Variants in HIBADH observed in about 807,000 individuals in gnomAD.
HIBADH encodes 3-hydroxyisobutyrate dehydrogenase, also known as 3-hydroxyisobutyrate dehydrogenase, mitochondrial.
HIBADH carries 25 observed loss-of-function variants against 36.1 expected under a neutral mutation model. That is an observed-to-expected ratio of 0.69 (90% CI 0.50 to 0.97). HIBADH has a LOEUF of 0.97. HIBADH is among the 50% of genes least tolerant of loss of function. The pLI, the probability that HIBADH is intolerant of heterozygous loss-of-function variation, is 0.00. For synonymous variants in HIBADH, 160 were observed against 149.5 expected, an observed-to-expected ratio of 1.07 and a Z score of -0.51; for missense variants, 421 against 418.0, an observed-to-expected ratio of 1.01 and a Z score of -0.06.
chr7:27,556,671 C>A (rs1054774929), intron 4 of HIBADH, among the ~76,000 whole-genome samples: 1 of 152,138 alleles, frequency 6.6e-6, no homozygotes, highest in African/African-American at 2.4e-5. Context: ...TTCATTTCCC[C>A]ACTGATCTGA....
chr7:27,585,171 ATATG>A (rs1447163646), intron 4 of HIBADH, among the ~76,000 whole-genome samples: 1 of 152,058 alleles, frequency 6.6e-6, no homozygotes, highest in African/African-American at 2.4e-5. Context: ...ATATATGTAT[ATATG>A]TGTGTATATA....
chr7:27,660,599 A>G (rs1786396385), intron 1 of HIBADH, among the ~76,000 whole-genome samples: 1 of 151,918 alleles, frequency 6.6e-6, no homozygotes, highest in Non-Finnish European at 1.5e-5. Context: ...TGGGAGGCGG[A>G]GCTTGCAGTG....
At chr7:27,638,308 C>CAAAACAAAA (rs1785885322) in intron 2 of HIBADH, among the ~76,000 whole-genome samples, 1 of 55,472 alleles carries the variant, frequency 1.8e-5, no homozygotes, top group East Asian at 6.1e-4. Flanking sequence ...TTGGCAAAGT[C>CAAAACAAAA]AAAAAAAAAA....
chr7:27,638,516 T>G (rs1479638339), intron 2 of HIBADH, among the ~76,000 whole-genome samples: 1 of 151,996 alleles, frequency 6.6e-6, no homozygotes. Context: ...AAATACTGTT[T>G]CTAGACATAG....
chr7:27,616,810 A>ATT (rs747138124), intron 4 of HIBADH, among the ~76,000 whole-genome samples: 108,956 of 151,198 alleles, frequency 0.72, 39,301 homozygotes, highest in East Asian at 0.93. Context: ...AAAAAAAAAA[A>ATT]TTTTTAATTA....
chr7:27,566,763 T>C (rs1376637465), intron 4 of HIBADH, among the ~76,000 whole-genome samples: 1 of 152,184 alleles, frequency 6.6e-6, no homozygotes, highest in Non-Finnish European at 1.5e-5. Flanking sequence ...CAAAATATTT[T>C]CTAATATCCC....
intron 4 of HIBADH, among the ~76,000 whole-genome samples, chr7:27,547,695 G>A (rs1266923009): frequency 6.6e-6 from 1 of 152,020 alleles, no homozygotes; most frequent in African/African-American, 2.4e-5. Flanking sequence ...CTTCATCTAG[G>A]ATGTGAAGTG....
chr7:27,644,427 C>T (rs1422713366), intron 2 of HIBADH, among the ~76,000 whole-genome samples: 2 of 151,956 alleles, frequency 1.3e-5, no homozygotes, highest in Non-Finnish European at 2.9e-5. Flanking sequence ...TGGTGAAACC[C>T]CATCTCTACT....
chr7:27,584,676 T>G (rs559721128), intron 4 of HIBADH, among the ~76,000 whole-genome samples: 1 of 152,142 alleles, frequency 6.6e-6, no homozygotes, highest in South Asian at 2.1e-4. Context: ...AGCAGGATCG[T>G]TTGGGGCATA....
intron 4 of HIBADH, among the ~76,000 whole-genome samples, chr7:27,596,469 A>G (rs914028156): frequency 1.3e-5 from 2 of 152,210 alleles, no homozygotes; most frequent in Non-Finnish European, 2.9e-5. Context: ...AACTTTGATG[A>G]AAAGACTGGC....
At chr7:27,580,620 G>A (rs1784774015) in intron 4 of HIBADH, among the ~76,000 whole-genome samples, 1 of 152,124 alleles carries the variant, frequency 6.6e-6, no homozygotes, top group Admixed American at 6.5e-5. Flanking sequence ...TTTTTTACCA[G>A]AAAGATTCAT....
rs116429772 is a variant in HIBADH at position 27,537,771 on chromosome 7, G to A, written c.695+570C>T. On this transcript the variant is annotated intron_variant, in intron 6 of 7. Transcript: ENST00000265395. ...GCCACTTTAATAGAAAGATACATAC[G>A]AATGCAAAGTAACTAAACCACAGGC... Among the ~76,000 whole-genome samples the A allele has an allele frequency of 3.7e-3, 562 of 152,040 alleles. 3 individuals carry two copies. The highest frequency in any genetic ancestry group is 0.012 in the African/African-American group (502 of 41,482).
intron 4 of HIBADH, among the ~76,000 whole-genome samples, chr7:27,576,452 G>T (rs1484508151): frequency 1.3e-5 from 2 of 152,108 alleles, no homozygotes; most frequent in Non-Finnish European, 2.9e-5. Context: ...GATTAAATAT[G>T]AATTCATAAT....
At chr7:27,635,088 G>GTGTGTA in intron 2 of HIBADH, among the ~76,000 whole-genome samples, 1 of 146,434 alleles carries the variant, frequency 6.8e-6, no homozygotes, top group East Asian at 1.9e-4. Flanking sequence ...CTCTGTGCAT[G>GTGTGTA]TGTGTGTGTG....
At chr7:27,554,531 A>G (rs1784364460) in intron 4 of HIBADH, among the ~76,000 whole-genome samples, 1 of 152,184 alleles carries the variant, frequency 6.6e-6, no homozygotes, top group Non-Finnish European at 1.5e-5. Flanking sequence ...CCTTCTGGGT[A>G]TCCTCCCATC....
chr7:27,662,675 G>A (rs1786448471), intron 1 of HIBADH, 23 bp downstream of exon 1: 2 of 1,279,942 alleles, frequency 1.6e-6, no homozygotes, highest in African/African-American at 3.1e-5. Flanking sequence ...AAGGACAAGG[G>A]GGAGGAGGCG....
intron 2 of HIBADH, among the ~76,000 whole-genome samples, chr7:27,638,402 T>C (rs565730687): frequency 6.8e-5 from 10 of 147,820 alleles, no homozygotes; most frequent in South Asian, 2.1e-4. Flanking sequence ...TGCAAAAAAC[T>C]GAAACTGGAA....
chr7:27,558,358 C>T (rs377470993), intron 4 of HIBADH, among the ~76,000 whole-genome samples: 2 of 152,198 alleles, frequency 1.3e-5, no homozygotes, highest in African/African-American at 4.8e-5. Flanking sequence ...GACAGGGTCT[C>T]GCTCGGTCAC....
intron 4 of HIBADH, among the ~76,000 whole-genome samples, chr7:27,546,962 A>C (rs1178046550): frequency 6.6e-6 from 1 of 152,152 alleles, no homozygotes; most frequent in African/African-American, 2.4e-5. Flanking sequence ...TCCATATAGC[A>C]GCTAGAGGAA....
Sources: allele counts gnomAD v4.1 joint callset (sites outside exome capture counted in the v4.1 genomes callset), GRCh38; gene constraint gnomAD v4.1.1; transcripts MANE v1.5; gene names NCBI Gene and HGNC (gene_info 2026-07-23, HGNC 2026-07-21).